Variants in SKAP2 observed in about 807,000 individuals in gnomAD.
SKAP2 encodes the protein src kinase associated phosphoprotein 2.
A neutral mutation model predicts 54.9 loss-of-function variants in SKAP2; 28 were observed. That is an observed-to-expected ratio of 0.51 (90% CI 0.38 to 0.70). The LOEUF is 0.70. SKAP2 is among the 30% of genes least tolerant of loss of function. The pLI is 0.00. For missense variants in SKAP2, 356 were observed against 424.1 expected (o/e 0.84, Z 1.41); for synonymous variants, 137 against 134.3 (o/e 1.02, Z -0.14).
At chr7:26,788,185 A>C (rs1036178225) in intron 4 of SKAP2, among the ~76,000 whole-genome samples, 5 of 152,196 alleles carry the variant, frequency 3.3e-5, no homozygotes, top group African/African-American at 9.7e-5. Context: ...AAATACATTG[A>C]AGATGTTTTA....
the SKAP2 span, among the ~76,000 whole-genome samples, chr7:26,658,829 C>A: frequency 1.5e-4 from 22 of 145,166 alleles, no homozygotes; most frequent in African/African-American, 4.8e-4. Context: ...ACCCACCCCC[C>A]ACCCCCCCAC....
At chr7:26,762,848 A>G (rs1015184355) in intron 4 of SKAP2, among the ~76,000 whole-genome samples, 1 of 152,242 alleles carries the variant, frequency 6.6e-6, no homozygotes, top group Non-Finnish European at 1.5e-5. Flanking sequence ...TTAGACACCC[A>G]AGTAACCAAA....
rs548655269 is a variant in SKAP2 at position 26,708,531 on chromosome 7, C to A, written c.796+16897G>T. On this transcript the variant is annotated intron_variant, in intron 9 of 12. Coordinates refer to ENST00000345317, the MANE Select transcript of SKAP2 (RefSeq NM_003930.5). Reference sequence around the variant, plus strand: ...TCTCTTCCGTATATACCAATAGTTACCCCACCTAAACATTTTTCAAAAGGA... The same window carrying A: ...TCTCTTCCGTATATACCAATAGTTAACCCACCTAAACATTTTTCAAAAGGA... 2.6e-5 allele frequency among the ~76,000 whole-genome samples: 4 copies of A among 152,196 alleles called. No homozygotes were observed. In the South Asian group the frequency reaches 8.3e-4, roughly 32 times the overall value.
chr7:26,851,023 G>A (rs990059413), intron 3 of SKAP2, among the ~76,000 whole-genome samples: 6 of 151,946 alleles, frequency 3.9e-5, no homozygotes, highest in Non-Finnish European at 7.4e-5. Flanking sequence ...TTCTACCAGT[G>A]TAAACTATTC....
intron 7 of SKAP2, 193 bp downstream of exon 7, chr7:26,726,689 A>G (rs770249728): frequency 1.1e-5 from 5 of 436,340 alleles, no homozygotes; most frequent in Non-Finnish European, 2.0e-5. Flanking sequence ...TTTCAAGAAG[A>G]TAGTGTGTGA....
intron 6 of SKAP2, among the ~76,000 whole-genome samples, 163 bp downstream of exon 6, chr7:26,738,632 T>C (rs1354193758): frequency 6.6e-6 from 1 of 152,164 alleles, no homozygotes; most frequent in Non-Finnish European, 1.5e-5. Context: ...TTTGGAGCAT[T>C]TGTCAAATAA....
At chr7:26,760,420 G>A (rs978710913) in intron 4 of SKAP2, among the ~76,000 whole-genome samples, 25 of 151,892 alleles carry the variant, frequency 1.6e-4, no homozygotes, top group African/African-American at 1.7e-4. Flanking sequence ...CTTATCTATC[G>A]ATGGGAAATA....
At chr7:26,794,009 T>A (rs1783719556) in intron 4 of SKAP2, among the ~76,000 whole-genome samples, 1 of 152,174 alleles carries the variant, frequency 6.6e-6, no homozygotes, top group African/African-American at 2.4e-5. Flanking sequence ...ATATATTAGC[T>A]AAAGCTGCTT....
At chr7:26,708,993 G>A (rs965364500) in intron 9 of SKAP2, among the ~76,000 whole-genome samples, 4 of 152,044 alleles carry the variant, frequency 2.6e-5, no homozygotes, top group African/African-American at 9.7e-5. Flanking sequence ...TAGAATATTA[G>A]ATGATCTCTG....
At chr7:26,755,792 TTAAGAA>T (rs1365673306) in intron 4 of SKAP2, among the ~76,000 whole-genome samples, 2 of 152,106 alleles carry the variant, frequency 1.3e-5, no homozygotes, top group African/African-American at 4.8e-5. Flanking sequence ...ACTGCAAAGA[TTAAGAA>T]TATCAAACAG....
At chr7:26,843,457 G>A (rs949472545) in intron 4 of SKAP2, among the ~76,000 whole-genome samples, 2 of 151,936 alleles carry the variant, frequency 1.3e-5, no homozygotes, top group African/African-American at 4.8e-5. Flanking sequence ...ATTACTAAGA[G>A]ATAAATTTAT....
chr7:26,844,305 CTTATT>C (rs1172088045), intron 3 of SKAP2, among the ~76,000 whole-genome samples, 168 bp from the exon 4 acceptor site: 1 of 151,996 alleles, frequency 6.6e-6, no homozygotes, highest in Admixed American at 6.6e-5. Context: ...AAAAACAGGT[CTTATT>C]TTATTTTATA....
intron 4 of SKAP2, among the ~76,000 whole-genome samples, chr7:26,756,192 T>A (rs867626356): frequency 5.3e-5 from 8 of 152,224 alleles, no homozygotes; most frequent in Non-Finnish European, 5.9e-5. Flanking sequence ...TAATTTTTTT[T>A]ATTATACTTT....
At position 26,738,846 on chromosome 7, in the gene SKAP2, G is replaced by A. The variant is rs866446687; in HGVS notation, c.418C>T (p.Arg140Trp). 5.0e-6 allele frequency: 8 copies of A among 1,607,664 alleles called. No homozygotes were observed. Among genetic ancestry groups the A allele is most frequent in the African/African-American group, 1.3e-5 (1 of 74,856 alleles). The change falls in exon 6 of 13, where the codon CGG becomes TGG. Residue 140 changes from arginine to tryptophan, a missense_variant. Coordinates refer to ENST00000345317, the MANE Select transcript of SKAP2 (RefSeq NM_003930.5). The part of the protein sequence containing the change: ...HSFLGFEWQK[R>W]WCALSKTVFY... ...ACCGTTTTACTGAGAGCACACCACC[G>A]TTTCTGCCATTCAAATCCCAGAAAG...
At chr7:26,772,025 A>G (rs1584380778) in intron 4 of SKAP2, among the ~76,000 whole-genome samples, 1 of 152,350 alleles carries the variant, frequency 6.6e-6, no homozygotes, top group Admixed American at 6.5e-5. Flanking sequence ...AATGGTTATT[A>G]AATACAGACA....
intron 4 of SKAP2, among the ~76,000 whole-genome samples, chr7:26,774,970 C>T (rs1182374078): frequency 1.3e-5 from 2 of 152,076 alleles, no homozygotes; most frequent in Non-Finnish European, 1.5e-5. Flanking sequence ...GTTGCTAATT[C>T]TTATTCTAAA....
intron 4 of SKAP2, among the ~76,000 whole-genome samples, chr7:26,824,321 T>C (rs924165366): frequency 6.6e-6 from 1 of 152,200 alleles, no homozygotes; most frequent in Non-Finnish European, 1.5e-5. Flanking sequence ...AATAGTGTGC[T>C]GGGAGGTAAT....
chr7:26,766,669 T>C (rs1047591847), intron 4 of SKAP2, among the ~76,000 whole-genome samples: 1 of 151,956 alleles, frequency 6.6e-6, no homozygotes, highest in Non-Finnish European at 1.5e-5. Context: ...TTATTGAGAG[T>C]TTTTAGCATG....
chr7:26,704,963 G>C (rs1292094615), intron 9 of SKAP2, among the ~76,000 whole-genome samples: 1 of 152,158 alleles, frequency 6.6e-6, no homozygotes, highest in Non-Finnish European at 1.5e-5. Flanking sequence ...TTATGTAAAA[G>C]AGCCAGAATA....
Sources: gnomAD v4.1 joint callset for allele counts (sites outside exome capture counted in the v4.1 genomes callset) on GRCh38, gnomAD v4.1.1 for gene constraint, MANE v1.5 for transcripts, NCBI Gene and HGNC (gene_info 2026-07-23, HGNC 2026-07-21) for gene names.